The following PTPRN2 variants were observed in gnomAD, a reference collection of about 807,000 sequenced individuals.
PTPRN2 encodes the protein receptor-type tyrosine-protein phosphatase N2.
Under a neutral mutation model 118.8 loss-of-function variants are expected in PTPRN2, and 74 were observed. The ratio of observed to expected loss-of-function variants is 0.62; its 90% CI spans 0.52 to 0.76. PTPRN2 has a LOEUF of 0.76. Among genes scored for constraint, PTPRN2 ranks in the 30% least tolerant of loss-of-function variants. The probability of loss-of-function intolerance (pLI) is 0.00; values close to 1 mark genes in which losing one functional copy is unlikely to be tolerated. For synonymous variants in PTPRN2, 641 were observed against 608.0 expected, an observed-to-expected ratio of 1.05 and a Z score of -0.80; for missense variants, 1,481 against 1,394.4, an observed-to-expected ratio of 1.06 and a Z score of -0.99.
chr7:157,797,060 G>C (rs887124543), intron 12 of PTPRN2, among the ~76,000 whole-genome samples: 5 of 152,190 alleles, frequency 3.3e-5, no homozygotes, highest in African/African-American at 1.2e-4. Flanking sequence ...GCCCATGAAC[G>C]GGCACTGGGG....
At chr7:158,082,650 G>A (rs1000059806) in intron 10 of PTPRN2, among the ~76,000 whole-genome samples, 9 of 152,148 alleles carry the variant, frequency 5.9e-5, no homozygotes, top group Non-Finnish European at 8.8e-5. Flanking sequence ...CTAACCTTAC[G>A]GATATTCCCT....
intron 6 of PTPRN2, among the ~76,000 whole-genome samples, chr7:158,147,204 G>A (rs868504809): frequency 0.061 from 659 of 10,882 alleles, no homozygotes; most frequent in African/African-American, 0.22. Flanking sequence ...CTCACGCCAC[G>A]TGTCTTTCCC....
chr7:158,353,423 G>A (rs1360675734), intron 2 of PTPRN2, among the ~76,000 whole-genome samples: 1 of 152,216 alleles, frequency 6.6e-6, no homozygotes, highest in Non-Finnish European at 1.5e-5. Flanking sequence ...CTTTACATTT[G>A]CCTAAGACCA....
chr7:158,098,522 C>T (rs1814862804), intron 10 of PTPRN2, among the ~76,000 whole-genome samples: 1 of 152,210 alleles, frequency 6.6e-6, no homozygotes, highest in Non-Finnish European at 1.5e-5. Flanking sequence ...ATCCGTCTTC[C>T]GACAGCGAAG....
At chr7:158,057,268 A>G (rs930848463) in intron 11 of PTPRN2, among the ~76,000 whole-genome samples, 10 of 152,148 alleles carry the variant, frequency 6.6e-5, no homozygotes, top group African/African-American at 2.4e-4. Context: ...TGAACCAGAA[A>G]CTTTGCTCTT....
chr7:158,400,079 C>G (rs149276571), intron 2 of PTPRN2, among the ~76,000 whole-genome samples: 2 of 152,164 alleles, frequency 1.3e-5, no homozygotes, highest in African/African-American at 4.8e-5. Flanking sequence ...AGGAAGTAAA[C>G]GCTTTTCTCA....
At chr7:158,051,322 T>C (rs941938895) in intron 11 of PTPRN2, among the ~76,000 whole-genome samples, 2 of 152,178 alleles carry the variant, frequency 1.3e-5, no homozygotes, top group Non-Finnish European at 2.9e-5. Context: ...TCTTAGGCTA[T>C]TATGGGACTG....
chr7:157,734,096 C>T (rs2707935), intron 12 of PTPRN2, among the ~76,000 whole-genome samples: 127 of 44,632 alleles, frequency 2.8e-3, no homozygotes, highest in Non-Finnish European at 4.6e-3. Context: ...GCACAGTTAC[C>T]CTTTCCCGTC....
At chr7:158,440,578 G>T (rs116854955) in intron 2 of PTPRN2, among the ~76,000 whole-genome samples, 17 of 151,248 alleles carry the variant, frequency 1.1e-4, no homozygotes, top group Middle Eastern at 3.4e-3. Context: ...GATAATGATA[G>T]TGGTAACAAT....
intron 1 of PTPRN2, among the ~76,000 whole-genome samples, chr7:158,504,487 C>G (rs554792129): frequency 6.6e-6 from 1 of 152,286 alleles, no homozygotes; most frequent in East Asian, 1.9e-4. Flanking sequence ...CCGAGGATAA[C>G]AGCTTCCCGC....
At chr7:158,281,597 C>G (rs887975205) in intron 3 of PTPRN2, among the ~76,000 whole-genome samples, 2 of 152,196 alleles carry the variant, frequency 1.3e-5, no homozygotes, top group Non-Finnish European at 2.9e-5. Flanking sequence ...GTGCGTGGTG[C>G]CCTGCGCATT....
intron 17 of PTPRN2, among the ~76,000 whole-genome samples, chr7:157,589,919 G>A (rs981699270): frequency 6.6e-6 from 1 of 152,216 alleles, no homozygotes; most frequent in Non-Finnish European, 1.5e-5. Context: ...GCTCTATGCC[G>A]AGGACGGCTT....
At position 158,192,332 on chromosome 7, in the gene PTPRN2, C is replaced by T. The variant is rs372551467; in HGVS notation, c.544G>A (p.Ala182Thr). Reference sequence around the variant, plus strand: ...GGAGGAAGTGGAAGGGTCACCTCAGCGGGGGGTCTGTCCTGCGCCGTATGG... The same window carrying T: ...GGAGGAAGTGGAAGGGTCACCTCAGTGGGGGGTCTGTCCTGCGCCGTATGG... ...RTHTAQDRPPAEGDDRFSESI... is the reference protein window; with the variant it reads ...RTHTAQDRPPTEGDDRFSESI... Residue 182 changes from alanine to threonine, a missense_variant, in exon 5 of 23, where the codon GCT becomes ACT. By Grantham distance (58) the Ala-to-Thr change is moderately conservative. This residue lies in a region of PTPRN2 where 1,115 missense variants were observed against 994.2 expected (regional missense o/e 1.12). Coordinates refer to ENST00000389418, the MANE Select transcript of PTPRN2 (RefSeq NM_002847.5). 3.3e-5 allele frequency: 49 copies of T among 1,474,528 alleles called. No individual in the cohort carries two copies. In the African/African-American group the frequency reaches 3.4e-4, roughly 10 times the overall value. The allele number at this position is 1,474,528 out of a possible 1,614,324, so 91.3% of individuals were successfully genotyped here.
chr7:158,261,409 A>T (rs1334718018), intron 3 of PTPRN2, among the ~76,000 whole-genome samples: 3 of 152,098 alleles, frequency 2.0e-5, no homozygotes, highest in Admixed American at 2.0e-4. Context: ...CAACTGTGTG[A>T]TCCTGGCAGG....
chr7:158,320,148 T>C lies in PTPRN2; in HGVS notation c.164-3216A>G, dbSNP rs979031602. 5.1e-5 allele frequency among the ~76,000 whole-genome samples: 3 copies of C among 58,302 alleles called. 1 individual carries two copies. Among genetic ancestry groups the C allele is most frequent in the African/African-American group, 2.3e-4 (3 of 12,800 alleles). 38.2% of individuals were successfully genotyped at this position (58,302 alleles called of 152,430 possible). Reference sequence around the variant, plus strand: ...CCTCCCTCACACACACAGCCTCCCTTGTACACACACAGCCTCCCTCGTACA... The same window carrying C: ...CCTCCCTCACACACACAGCCTCCCTCGTACACACACAGCCTCCCTCGTACA... On this transcript the variant is annotated intron_variant, in intron 2 of 22. Transcript: ENST00000389418.
chr7:157,950,450 A>C (rs530954337), intron 11 of PTPRN2, among the ~76,000 whole-genome samples: 1 of 152,018 alleles, frequency 6.6e-6, no homozygotes, highest in African/African-American at 2.4e-5. Flanking sequence ...AAATGTTCAG[A>C]TATGTAATGG....
At chr7:158,194,502 T>A (rs1319389782) in intron 4 of PTPRN2, among the ~76,000 whole-genome samples, 1 of 152,134 alleles carries the variant, frequency 6.6e-6, no homozygotes, top group African/African-American at 2.4e-5. Flanking sequence ...CGATGACCAA[T>A]CACTTCAGGT....
Position 157,621,483 on chromosome 7 carries a change from G to A in PTPRN2, c.2223C>T (p.Asn741=), listed in dbSNP as rs919465445. ...ILSYMEDHLK[N]KNRLEKEWEA... is the part of the protein sequence containing the mutation. ...CCCACTCCTTCTCCAGCCGGTTCTTGTTCTTCAGGTGGTCCTCCATGTAGG... is the reference window on the plus strand; with the variant it reads ...CCCACTCCTTCTCCAGCCGGTTCTTATTCTTCAGGTGGTCCTCCATGTAGG... The change falls in exon 15 of 23, where the codon AAC becomes AAT. Residue 741 remains asparagine, a synonymous_variant. Transcript: ENST00000389418. 6 of 1,613,722 alleles carry A rather than the reference G, an allele frequency of 3.7e-6. No individual in the cohort carries two copies. The East Asian group carries it at 1.1e-4, about 30-fold the overall frequency.
At chr7:157,623,253 GGT>G (rs1803374481) in intron 14 of PTPRN2, among the ~76,000 whole-genome samples, 1 of 152,168 alleles carries the variant, frequency 6.6e-6, no homozygotes, top group Non-Finnish European at 1.5e-5. Flanking sequence ...GCCCAAATCT[GGT>G]GTGTGAGGGA....
Sources: allele counts gnomAD v4.1 joint callset (sites outside exome capture counted in the v4.1 genomes callset), GRCh38; gene constraint gnomAD v4.1.1; regional missense constraint gnomAD v4.1.1; transcripts MANE v1.5; gene names NCBI Gene and HGNC (gene_info 2026-07-23, HGNC 2026-07-21).